The following BRINP3 variants were observed in gnomAD, a reference collection of about 807,000 sequenced individuals.
BRINP3 encodes BMP/retinoic acid inducible neural specific 3.
BRINP3 carries 19 observed loss-of-function variants against 71.0 expected under a neutral mutation model. The ratio of observed to expected loss-of-function variants is 0.27; its 90% CI spans 0.19 to 0.39. The LOEUF (loss-of-function observed/expected upper bound fraction) is 0.39, where lower values mean the gene tolerates loss of function less well. Among genes scored for constraint, BRINP3 ranks in the 10% least tolerant of loss-of-function variants. BRINP3 has a pLI of 1.00. For missense variants in BRINP3, 959 were observed against 940.8 expected (o/e 1.02, Z -0.25); for synonymous variants, 380 against 337.7 (o/e 1.13, Z -1.37).
chr1:190,329,921 C>A (rs12068685), intron 2 of BRINP3, among the ~76,000 whole-genome samples: 2,381 of 151,966 alleles, frequency 0.016, 59 homozygotes, highest in African/African-American at 0.054. Flanking sequence ...TGCTGGGACA[C>A]CTGGCTAGCC....
chr1:190,336,022 T>A (rs1316362429), intron 2 of BRINP3, among the ~76,000 whole-genome samples: 1 of 152,018 alleles, frequency 6.6e-6, no homozygotes, highest in Non-Finnish European at 1.5e-5. Context: ...GGCATTTCCG[T>A]CTTTTGGAAT....
chr1:190,301,952 GT>G (rs1307124069), intron 2 of BRINP3, among the ~76,000 whole-genome samples: 1 of 151,680 alleles, frequency 6.6e-6, no homozygotes, highest in Non-Finnish European at 1.5e-5. Context: ...TGCTGAAAGT[GT>G]TTTGGTACTA....
chr1:190,165,350 A>T (rs201090370), intron 6 of BRINP3, among the ~76,000 whole-genome samples: 12 of 112,278 alleles, frequency 1.1e-4, no homozygotes, highest in East Asian at 3.5e-4. Flanking sequence ...GCAATAAACT[A>T]AAAAAAAAAA....
intron 2 of BRINP3, among the ~76,000 whole-genome samples, chr1:190,345,559 A>G (rs1667962801): frequency 1.3e-5 from 2 of 151,710 alleles, no homozygotes; most frequent in South Asian, 4.1e-4. Flanking sequence ...AGAAAATGTT[A>G]ATATTAGAAT....
In BRINP3 at chr1:190,471,769, A is replaced by G. The variant is rs74130786; in HGVS notation, c.-51+5679T>C. Among the ~76,000 whole-genome samples the G allele has an allele frequency of 3.4e-3, 518 of 151,566 alleles. 3 individuals are homozygous for G. Among genetic ancestry groups the G allele is most frequent in the African/African-American group, 0.012 (479 of 41,500 alleles). On this transcript the variant is annotated intron_variant, in intron 1 of 7. Coordinates refer to ENST00000367462, the MANE Select transcript of BRINP3 (RefSeq NM_199051.3). Reference sequence around the variant, plus strand: ...TGCTAAGAAATCAGATGTCCTTTCTATTAAATAACAATGAGAAACCAATCA... The same window carrying G: ...TGCTAAGAAATCAGATGTCCTTTCTGTTAAATAACAATGAGAAACCAATCA...
In BRINP3 at chr1:190,150,288, G is replaced by GTA. The variant is rs564605424; in HGVS notation, c.1184+10378_1184+10379dup. ...TCTATGTGTGTGTGTGTGTGTGTGT[G>GTA]TACATACATAGATACATATACATGT... On this transcript the variant is annotated intron_variant, in intron 7 of 7. Transcript: ENST00000367462. Among the ~76,000 whole-genome samples, 749 of 151,716 alleles carry GTA rather than the reference G, an allele frequency of 4.9e-3. 5 individuals are homozygous for GTA. Among genetic ancestry groups the GTA allele is most frequent in the African/African-American group, 0.017 (687 of 41,378 alleles).
At chr1:190,165,528 C>G in intron 6 of BRINP3, among the ~76,000 whole-genome samples, 1 of 130,494 alleles carries the variant, frequency 7.7e-6, no homozygotes, top group East Asian at 2.4e-4. Context: ...TTGGTTTAGA[C>G]GCAATACTAA....
chr1:190,374,130 C>T (rs1670038941), intron 2 of BRINP3, among the ~76,000 whole-genome samples: 1 of 152,042 alleles, frequency 6.6e-6, no homozygotes, highest in Middle Eastern at 3.4e-3. Flanking sequence ...AGATTATAAT[C>T]TATGTGAGAT....
chr1:190,272,517 A>G (rs1044345075), intron 3 of BRINP3, among the ~76,000 whole-genome samples: 1 of 151,508 alleles, frequency 6.6e-6, no homozygotes, highest in Non-Finnish European at 1.5e-5. Context: ...TACCTGGTGG[A>G]TTATATGAGT....
intron 2 of BRINP3, among the ~76,000 whole-genome samples, chr1:190,306,047 A>G (rs1365666415): frequency 1.3e-5 from 2 of 151,892 alleles, no homozygotes; most frequent in African/African-American, 4.8e-5. Context: ...CACCCTGTAA[A>G]AACAATGATA....
chr1:190,466,153 C>A (rs941716942), intron 1 of BRINP3, among the ~76,000 whole-genome samples: 1 of 130,476 alleles, frequency 7.7e-6, no homozygotes, highest in Non-Finnish European at 1.7e-5. Flanking sequence ...TTTTTTTTTT[C>A]TTTAACAATG....
intron 2 of BRINP3, among the ~76,000 whole-genome samples, chr1:190,371,852 C>G (rs1360452240): frequency 6.6e-6 from 1 of 152,066 alleles, no homozygotes; most frequent in Admixed American, 6.6e-5. Flanking sequence ...TTCAGAGAGT[C>G]TCCGACCCCT....
intron 2 of BRINP3, among the ~76,000 whole-genome samples, chr1:190,358,097 T>C (rs1668861523): frequency 1.3e-5 from 2 of 152,138 alleles, no homozygotes; most frequent in Admixed American, 6.5e-5. Context: ...GACACAGGCA[T>C]GGGCAAGGAC....
chr1:190,159,478 G>C (rs1657157030), intron 7 of BRINP3, among the ~76,000 whole-genome samples: 1 of 152,002 alleles, frequency 6.6e-6, no homozygotes, highest in Non-Finnish European at 1.5e-5. Context: ...TCTTCATCAA[G>C]TGATGAACGA....
Position 190,285,285 on chromosome 1 carries a change from T to A in BRINP3, c.237-3535A>T, listed in dbSNP as rs112192038. Among the ~76,000 whole-genome samples, 533 of 152,236 alleles carry A rather than the reference T, an allele frequency of 3.5e-3. 5 individuals are homozygous for A. The highest frequency in any genetic ancestry group is 0.012 in the African/African-American group (495 of 41,538). ...TCCCGAATACAAGATAAGACATTAC[T>A]GATGACATTTTAAGTCACCGTGGCC... On this transcript the variant is annotated intron_variant, in intron 2 of 7. Coordinates refer to ENST00000367462, the MANE Select transcript of BRINP3 (RefSeq NM_199051.3).
intron 4 of BRINP3, among the ~76,000 whole-genome samples, chr1:190,236,077 T>G (rs539798991): frequency 6.6e-6 from 1 of 152,008 alleles, no homozygotes; most frequent in African/African-American, 2.4e-5. Flanking sequence ...GGAAAGACAT[T>G]AAGGCCATCA....
At chr1:190,433,916 T>G (rs979637265) in intron 2 of BRINP3, among the ~76,000 whole-genome samples, 2 of 152,158 alleles carry the variant, frequency 1.3e-5, no homozygotes, top group African/African-American at 4.8e-5. Flanking sequence ...TCTAGTCTGC[T>G]AAAATATGAG....
At chr1:190,366,831 T>A (rs1571873489) in intron 2 of BRINP3, among the ~76,000 whole-genome samples, 1 of 152,172 alleles carries the variant, frequency 6.6e-6, no homozygotes, top group South Asian at 2.1e-4. Context: ...CCAAAATGAT[T>A]TCCTTTGACT....
chr1:190,102,540 A>G (rs1571700203), intron 7 of BRINP3, among the ~76,000 whole-genome samples: 1 of 152,084 alleles, frequency 6.6e-6, no homozygotes, highest in East Asian at 1.9e-4. Context: ...GTTTTTTATC[A>G]AACAGGTGGC....
Sources: allele counts gnomAD v4.1 joint callset (sites outside exome capture counted in the v4.1 genomes callset), GRCh38; gene constraint gnomAD v4.1.1; transcripts MANE v1.5; gene names NCBI Gene and HGNC (gene_info 2026-07-23, HGNC 2026-07-21).